The following LRRC71 variants were observed in gnomAD, a reference collection of about 807,000 sequenced individuals.
LRRC71 encodes the protein leucine-rich repeat-containing protein 71.
Under a neutral mutation model 66.6 loss-of-function variants are expected in LRRC71, and 54 were observed. The ratio of observed to expected loss-of-function variants is 0.81; its 90% confidence interval spans 0.65 to 1.02. LRRC71 has a LOEUF of 1.02. Among genes scored for constraint, LRRC71 ranks in the 50% least tolerant of loss-of-function variants. LRRC71 has a pLI of 0.00. For synonymous variants in LRRC71, 323 were observed against 303.9 expected, an observed-to-expected ratio of 1.06 and a Z score of -0.65; for missense variants, 724 against 718.0, an observed-to-expected ratio of 1.01 and a Z score of -0.10.
At chr1:156,932,350 TG>T in intron 13 of LRRC71, 73 bp from the exon 14 acceptor site, 2 of 1,229,662 alleles carry the variant, frequency 1.6e-6, no homozygotes, top group Non-Finnish European at 2.3e-6. Context: ...ACTGGGATGC[TG>T]GGGATGTCTG....
At chr1:156,938,541 G>T in the LRRC71 span, 13 of 1,605,868 alleles carry the variant, frequency 8.1e-6, no homozygotes, top group African/African-American at 1.3e-5. Context: ...CCACCAGGAA[G>T]AGGAGAGACC....
At chr1:156,935,715 G>A, downstream of LRRC71, 1 of 442,250 alleles carries the variant, frequency 2.3e-6, no homozygotes, top group Non-Finnish European at 4.1e-6. Flanking sequence ...GTGGGGTGAG[G>A]GCAGACCATG....
downstream of LRRC71, among the ~76,000 whole-genome samples, chr1:156,933,598 G>A (rs1654678777): frequency 6.6e-6 from 1 of 152,228 alleles, no homozygotes; most frequent in Non-Finnish European, 1.5e-5. Flanking sequence ...CAAAGGCTAA[G>A]CATTGAACAT....
Position 156,924,040 on chromosome 1 carries a change from G to GCGCCC in LRRC71, c.253_254insGCCCC (p.Pro85ArgfsTer21). 1 of 1,546,558 alleles carries GCGCCC rather than the reference G, an allele frequency of 6.5e-7. No individual in the cohort carries two copies. Among genetic ancestry groups the GCGCCC allele is most frequent in the Non-Finnish European group, 8.7e-7 (1 of 1,144,330 alleles). ...CGGACTTCCCCAAAGTTGTCAACCG[G>GCGCCC]CCCCGCCCCCACCCGCCCTTCGTCC... On this transcript the variant is annotated frameshift_variant, in exon 2 of 15. Transcript: ENST00000337428. LOFTEE classifies it high-confidence loss of function.
chr1:156,930,749 A>G lies in LRRC71; in HGVS notation c.1329+132A>G, dbSNP rs867892637. 7 of 815,180 alleles carry G rather than the reference A, an allele frequency of 8.6e-6. No homozygotes were observed. In the East Asian group the frequency reaches 1.4e-4, roughly 16 times the overall value. 50.5% of individuals were successfully genotyped at this position (815,180 alleles called of 1,614,324 possible). ...CTGTGGCAGCAGCCATTTGCCTTCA[A>G]ATTTGTCCTCCACTCCTGTCCCAAC... On this transcript the variant is annotated intron_variant, in intron 12 of 14. Coordinates refer to ENST00000337428, the MANE Select transcript of LRRC71 (RefSeq NM_144702.3).
At chr1:156,933,592 G>T (rs1654677845), downstream of LRRC71, among the ~76,000 whole-genome samples, 1 of 152,234 alleles carries the variant, frequency 6.6e-6, no homozygotes, top group Non-Finnish European at 1.5e-5. Flanking sequence ...ACATAGCAAA[G>T]GCTAAGCATT....
chr1:156,936,497 A>AAAAAAAAAATATAT (rs370282821), downstream of LRRC71, among the ~76,000 whole-genome samples: 1 of 33,916 alleles, frequency 2.9e-5, no homozygotes, highest in Non-Finnish European at 4.6e-5. Context: ...AAAAAAAAAA[A>AAAAAAAAAATATAT]ATATATATAT....
At chr1:156,936,910 A>G (rs1385198520), downstream of LRRC71, 9 of 1,614,144 alleles carry the variant, frequency 5.6e-6, no homozygotes, top group Non-Finnish European at 6.8e-6. Context: ...CTGTCCATCT[A>G]GCTGCTTCTG....
intron 2 of LRRC71, 96 bp downstream of exon 2, chr1:156,924,194 GGTGT>G: frequency 2.2e-6 from 3 of 1,382,626 alleles, no homozygotes; most frequent in Non-Finnish European, 3.0e-6. Flanking sequence ...GACGCGGGGC[GGTGT>G]GTGTGTGTGA....
At chr1:156,921,712 AACACAC>A (rs34547094) in intron 1 of LRRC71, 5,538 of 278,468 alleles carry the variant, frequency 0.02, 91 homozygotes, top group East Asian at 0.062. Context: ...TTACATTCAA[AACACAC>A]ACACACACAC....
chr1:156,924,622 C>G lies in LRRC71; in HGVS notation c.440-21C>G, dbSNP rs1215929856. The G allele has an allele frequency of 1.9e-6, 3 of 1,551,710 alleles. No individual in the cohort carries two copies. In the Admixed American group the frequency reaches 5.9e-5, roughly 30 times the overall value. On this transcript the variant is annotated intron_variant, in intron 3 of 14. Transcript: ENST00000337428. The stretch of plus-strand genomic sequence containing the variant: ...CTGGAGCCTCCCAGGTCTGAGGCAC[C>G]TGCCTCCTCTTGGCCCGCAGGTTGG...
chr1:156,939,751 G>C, the LRRC71 span: 1 of 1,613,990 alleles, frequency 6.2e-7, no homozygotes, highest in Non-Finnish European at 8.5e-7. Context: ...TTCACCCCCA[G>C]GGGGTGCTTG....
intron 5 of LRRC71, 37 bp downstream of exon 5, chr1:156,925,052 C>G: frequency 6.5e-7 from 1 of 1,547,962 alleles, no homozygotes; most frequent in Non-Finnish European, 8.7e-7. Flanking sequence ...CCTGGGAAGC[C>G]TGGCTGGGCG....
chr1:156,936,491 A>ATATAT (rs1553192701), downstream of LRRC71, among the ~76,000 whole-genome samples: 21 of 71,376 alleles, frequency 2.9e-4, no homozygotes, highest in African/African-American at 1.0e-3. Flanking sequence ...AAAAAAAAAA[A>ATATAT]AAAAAAATAT....
chr1:156,934,535 ATATGTGTG>A (rs1204917500), downstream of LRRC71, among the ~76,000 whole-genome samples: 1 of 152,092 alleles, frequency 6.6e-6, no homozygotes, highest in Non-Finnish European at 1.5e-5. Flanking sequence ...ATGTGTATAT[ATATGTGTG>A]TGTGTGTGTA....
At chr1:156,938,600 G>A in the LRRC71 span, 4 of 1,297,820 alleles carry the variant, frequency 3.1e-6, no homozygotes, top group Admixed American at 1.8e-5. Context: ...AGAGAGGGCA[G>A]GAGGTGGGGA....
downstream of LRRC71, chr1:156,936,130 G>A (rs1205378196): frequency 4.7e-6 from 7 of 1,476,970 alleles, no homozygotes; most frequent in African/African-American, 9.7e-5. Flanking sequence ...TGTCTAGAAA[G>A]TTCAGGCTCA....
At chr1:156,928,149 CAG>C in intron 9 of LRRC71, 145 bp downstream of exon 9, 1 of 826,846 alleles carries the variant, frequency 1.2e-6, no homozygotes. Flanking sequence ...GATTTCTGCA[CAG>C]ACTTTTGCCA....
At position 156,920,696 on chromosome 1, in the gene LRRC71, C is replaced by A; in HGVS notation, c.-108C>A. On this transcript the variant is annotated 5_prime_UTR_variant, in exon 1 of 15. Coordinates refer to ENST00000337428, the MANE Select transcript of LRRC71 (RefSeq NM_144702.3). The surrounding 1 kb of genome is among the most constrained non-coding windows in gnomAD (Gnocchi z 4.9). ...ACGGGTCGGATCCGGTCCCTGGACG[C>A]GGAACAGAGATCCCCTGATTCAGCC... 7.8e-7 allele frequency: 1 copy of A among 1,280,662 alleles called. No individual in the cohort carries two copies. Among genetic ancestry groups the A allele is most frequent in the East Asian group, 3.0e-5 (1 of 32,800 alleles). The allele number at this position is 1,280,662 out of a possible 1,614,324, so 79.3% of individuals were successfully genotyped here. A position where few individuals can be genotyped will look rare whatever the true frequency, so the allele number is the denominator to read the frequency against.
Sources: allele counts gnomAD v4.1 joint callset (sites outside exome capture counted in the v4.1 genomes callset), GRCh38; gene constraint gnomAD v4.1.1; non-coding constraint Gnocchi (gnomAD v3.1); transcripts MANE v1.5; gene names NCBI Gene and HGNC (gene_info 2026-07-23, HGNC 2026-07-21).